The following SPATA17 variants were observed in gnomAD, a reference collection of about 807,000 sequenced individuals.
SPATA17 encodes the protein spermatogenesis-associated protein 17.
Under a neutral mutation model 62.2 loss-of-function variants are expected in SPATA17, and 53 were observed. The observed-to-expected ratio is 0.85, with a 90% CI of 0.68 to 1.07. The LOEUF (loss-of-function observed/expected upper bound fraction) is 1.07. Among genes scored for constraint, SPATA17 ranks in the 50% least tolerant of loss-of-function variants. The pLI is 0.00. For missense variants in SPATA17, 466 were observed against 425.5 expected, an observed-to-expected ratio of 1.10 and a Z score of -0.84; for synonymous variants, 146 against 146.8, an observed-to-expected ratio of 0.99 and a Z score of 0.04.
At chr1:217,828,292 A>AT (rs975582664) in intron 9 of SPATA17, among the ~76,000 whole-genome samples, 1 of 151,922 alleles carries the variant, frequency 6.6e-6, no homozygotes, top group Non-Finnish European at 1.5e-5. Context: ...TGGTCAACTA[A>AT]TTTTTGACAA....
intron 9 of SPATA17, among the ~76,000 whole-genome samples, chr1:217,810,129 A>G (rs916291863): frequency 7.2e-5 from 11 of 152,096 alleles, no homozygotes; most frequent in African/African-American, 2.7e-4. Context: ...TATACAACAG[A>G]TTCACTTCAT....
chr1:217,820,248 G>A (rs1674826630), intron 9 of SPATA17, among the ~76,000 whole-genome samples: 1 of 151,884 alleles, frequency 6.6e-6, no homozygotes, highest in Admixed American at 6.6e-5. Context: ...GAGTTAAAAG[G>A]TTTTAAGCAA....
chr1:217,689,221 CTTTTTT>C lies in SPATA17; in HGVS notation c.395+5877_395+5882del, dbSNP rs200885875. Among the ~76,000 whole-genome samples, 1,014 of 102,590 alleles carry C rather than the reference CTTTTTT, an allele frequency of 9.9e-3. 7 individuals are homozygous for C. Among genetic ancestry groups the C allele is most frequent in the Middle Eastern group, 0.04 (5 of 124 alleles). 67.3% of individuals were successfully genotyped at this position (102,590 alleles called of 152,430 possible). A position where few individuals can be genotyped will look rare whatever the true frequency, so the allele number is the denominator to read the frequency against. On this transcript the variant is annotated intron_variant, in intron 5 of 10. Transcript: ENST00000366933. ...ACAAATCAGATAGCATTTATTATGT[CTTTTTT>C]TTTTTTTTTTTTTTTTGAGACAGAG...
chr1:217,853,973 T>C (rs931078845), intron 9 of SPATA17, among the ~76,000 whole-genome samples: 10 of 152,102 alleles, frequency 6.6e-5, no homozygotes, highest in Admixed American at 3.9e-4. Flanking sequence ...GATTCGTGAA[T>C]CGGGCAGCCC....
At chr1:217,806,410 C>T (rs1674436630) in intron 9 of SPATA17, among the ~76,000 whole-genome samples, 1 of 152,138 alleles carries the variant, frequency 6.6e-6, no homozygotes, top group Non-Finnish European at 1.5e-5. Flanking sequence ...AACGGTCCTG[C>T]TCCCTGGGCC....
chr1:217,727,514 T>G lies in SPATA17; in HGVS notation c.396-14461T>G, dbSNP rs1160064621. 7.2e-5 allele frequency among the ~76,000 whole-genome samples: 11 copies of G among 152,178 alleles called. No homozygotes were observed. The East Asian group carries it at 1.9e-3, about 27-fold the overall frequency. On this transcript the variant is annotated intron_variant, in intron 5 of 10. Coordinates refer to ENST00000366933, the MANE Select transcript of SPATA17 (RefSeq NM_138796.4). ...GTTGTAAATGTATGATTGCATAAAT[T>G]TTTGAAAGCAGGGGCTATGTATTAT...
chr1:217,681,583 G>A (rs1201661420), intron 4 of SPATA17, among the ~76,000 whole-genome samples: 1 of 151,990 alleles, frequency 6.6e-6, no homozygotes, highest in African/African-American at 2.4e-5. Flanking sequence ...ATTTTTAGTA[G>A]AGACAGGTTT....
At chr1:217,642,338 C>T (rs984234354) in intron 1 of SPATA17, among the ~76,000 whole-genome samples, 1 of 152,112 alleles carries the variant, frequency 6.6e-6, no homozygotes, top group African/African-American at 2.4e-5. Context: ...AGTATAGACT[C>T]ATAGTTTCCT....
intron 5 of SPATA17, among the ~76,000 whole-genome samples, chr1:217,707,007 C>T (rs1410669706): frequency 6.6e-6 from 1 of 152,084 alleles, no homozygotes. Flanking sequence ...GCTGGGACTA[C>T]AAGCACGTGC....
At chr1:217,699,808 T>C (rs1037274353) in intron 5 of SPATA17, among the ~76,000 whole-genome samples, 11 of 152,036 alleles carry the variant, frequency 7.2e-5, no homozygotes, top group African/African-American at 2.7e-4. Flanking sequence ...GATTTTCTCC[T>C]TTTTTTTCTA....
In SPATA17 at chr1:217,764,369, G is replaced by T. The variant is rs186872417; in HGVS notation, c.520-9965G>T. Among the ~76,000 whole-genome samples the T allele has an allele frequency of 1.9e-3, 283 of 152,220 alleles. 1 individual carries two copies. The highest frequency in any genetic ancestry group is 6.4e-3 in the African/African-American group (266 of 41,532). Reference sequence around the variant, plus strand: ...TTTTAAGATTGGCTTCTTTCACTTAGTAATATGCATTTAAGGTTTCTGCAT... The same window carrying T: ...TTTTAAGATTGGCTTCTTTCACTTATTAATATGCATTTAAGGTTTCTGCAT... On this transcript the variant is annotated intron_variant, in intron 6 of 10. Coordinates refer to ENST00000366933, the MANE Select transcript of SPATA17 (RefSeq NM_138796.4).
rs187338745 is a variant in SPATA17, at chr1:217,666,095, A to G, written c.241-2938A>G. 6.6e-5 allele frequency among the ~76,000 whole-genome samples: 10 copies of G among 152,270 alleles called. No homozygotes were observed. In the East Asian group the frequency reaches 1.9e-3, roughly 29 times the overall value. ...ACCATGTTTCCACTACAATAAAACC[A>G]TCTACTTCTTTTATACTTAATTTTC... On this transcript the variant is annotated intron_variant, in intron 3 of 10. Coordinates refer to ENST00000366933, the MANE Select transcript of SPATA17 (RefSeq NM_138796.4).
chr1:217,676,167 C>T (rs1225688779), intron 4 of SPATA17, among the ~76,000 whole-genome samples: 21 of 152,144 alleles, frequency 1.4e-4, no homozygotes, highest in Non-Finnish European at 1.8e-4. Context: ...AAAAACCTCA[C>T]CATCTAAAAG....
At chr1:217,738,506 A>G (rs1386460931) in intron 5 of SPATA17, among the ~76,000 whole-genome samples, 1 of 152,268 alleles carries the variant, frequency 6.6e-6, no homozygotes, top group Non-Finnish European at 1.5e-5. Context: ...AGTACTTTAC[A>G]TTGATTAACT....
chr1:217,786,036 C>T (rs991424636), intron 8 of SPATA17, among the ~76,000 whole-genome samples: 3 of 151,942 alleles, frequency 2.0e-5, no homozygotes, highest in South Asian at 4.1e-4. Context: ...TATGAAGGAA[C>T]CTTTATATGG....
At chr1:217,833,606 T>C (rs948475707) in intron 9 of SPATA17, among the ~76,000 whole-genome samples, 1 of 152,204 alleles carries the variant, frequency 6.6e-6, no homozygotes, top group Non-Finnish European at 1.5e-5. Context: ...ACTTTAGTTC[T>C]GGTACTTATT....
intron 5 of SPATA17, among the ~76,000 whole-genome samples, chr1:217,696,624 A>G (rs981590326): frequency 6.6e-6 from 1 of 152,194 alleles, no homozygotes; most frequent in Admixed American, 6.5e-5. Flanking sequence ...AAATAATCAA[A>G]TATTTATATT....
chr1:217,751,129 C>T (rs1672895474), intron 6 of SPATA17, among the ~76,000 whole-genome samples: 2 of 152,134 alleles, frequency 1.3e-5, no homozygotes, highest in African/African-American at 4.8e-5. Context: ...CAAGAAACAT[C>T]AATTCTGAGT....
At chr1:217,790,660 C>T (rs1349283271) in intron 8 of SPATA17, among the ~76,000 whole-genome samples, 5 of 151,998 alleles carry the variant, frequency 3.3e-5, no homozygotes, top group Admixed American at 1.3e-4. Context: ...AATCTCCTGA[C>T]CTCGTGATCC....
Sources: gnomAD v4.1 joint callset for allele counts (sites outside exome capture counted in the v4.1 genomes callset) on GRCh38, gnomAD v4.1.1 for gene constraint, MANE v1.5 for transcripts, NCBI Gene and HGNC (gene_info 2026-07-23, HGNC 2026-07-21) for gene names.